Variants in LRRK2 observed in about 807,000 individuals in gnomAD.
The protein encoded by LRRK2 is leucine-rich repeat serine/threonine-protein kinase 2.
A neutral mutation model predicts 302.6 loss-of-function variants in LRRK2; 203 were observed. That is an observed-to-expected ratio of 0.67 (90% CI 0.60 to 0.75). LRRK2 has a LOEUF of 0.75. LRRK2 is among the 30% of genes least tolerant of loss of function. The pLI, the probability that LRRK2 is intolerant of heterozygous loss-of-function variation, is 0.00. For synonymous variants in LRRK2, 1,066 were observed against 1,031.9 expected (o/e 1.03, Z -0.63); for missense variants, 2,830 against 2,951.0 (o/e 0.96, Z 0.95).
intron 30 of LRRK2, among the ~76,000 whole-genome samples, chr12:40,309,770 G>A (rs1944974793): frequency 6.6e-6 from 1 of 152,096 alleles, no homozygotes; most frequent in Non-Finnish European, 1.5e-5. Context: ...TTAGAATGGA[G>A]ACTAAACTGC....
chr12:40,241,133 T>A (rs572891734), intron 6 of LRRK2, among the ~76,000 whole-genome samples: 141 of 152,318 alleles, frequency 9.3e-4, no homozygotes, highest in African/African-American at 3.3e-3. Context: ...AGTAAAGGTG[T>A]GGGGTTATGA....
intron 29 of LRRK2, 149 bp from the exon 30 acceptor site, chr12:40,308,957 C>T (rs1032536383): frequency 3.0e-6 from 3 of 993,886 alleles, no homozygotes; most frequent in Admixed American, 5.3e-5. Flanking sequence ...AGTAAAAACC[C>T]AGAATAGTTC....
At chr12:40,252,815 T>C in intron 10 of LRRK2, 95 bp from the exon 11 acceptor site, 1 of 811,866 alleles carries the variant, frequency 1.2e-6, no homozygotes, top group South Asian at 1.4e-5. Flanking sequence ...TTATATGCTC[T>C]TAATTGTTGT....
intron 48 of LRRK2, among the ~76,000 whole-genome samples, chr12:40,364,368 T>C (rs17466584): frequency 1.4e-4 from 22 of 152,016 alleles, no homozygotes; most frequent in African/African-American, 5.1e-4. Flanking sequence ...CTTTTATTTC[T>C]GGACACTTCA....
chr12:40,244,649 T>C (rs1157306660), intron 7 of LRRK2, among the ~76,000 whole-genome samples: 1 of 149,900 alleles, frequency 6.7e-6, no homozygotes, highest in Non-Finnish European at 1.5e-5. Flanking sequence ...AACCGATTCA[T>C]AGATTCTGGA....
intron 14 of LRRK2, among the ~76,000 whole-genome samples, chr12:40,264,120 G>A (rs1942900359): frequency 6.6e-6 from 1 of 152,090 alleles, no homozygotes; most frequent in Non-Finnish European, 1.5e-5. Context: ...ATAGATGTAG[G>A]CAAGATTCTT....
At chr12:40,239,580 G>T (rs1410698926) in intron 5 of LRRK2, among the ~76,000 whole-genome samples, 7 of 152,104 alleles carry the variant, frequency 4.6e-5, no homozygotes, top group Admixed American at 3.3e-4. Context: ...TGCTGAGAGG[G>T]TTATGACTAT....
rs1266923815 is a variant in LRRK2, at chr12:40,225,025, C to T, written c.-107C>T. The stretch of plus-strand genomic sequence containing the variant: ...GCCCGCGGGGAGCGCTGGCTGCGGG[C>T]GGTGAGCTGAGCTCGCCCCCGGGGA... On this transcript the variant is annotated 5_prime_UTR_variant, in exon 1 of 51. Coordinates refer to ENST00000298910, the MANE Select transcript of LRRK2 (RefSeq NM_198578.4). 2 of 1,425,874 alleles carry T rather than the reference C, an allele frequency of 1.4e-6. No homozygotes were observed. Among genetic ancestry groups the T allele is most frequent in the Non-Finnish European group, 1.9e-6 (2 of 1,032,654 alleles). The allele number at this position is 1,425,874 out of a possible 1,614,324, so 88.3% of individuals were successfully genotyped here.
intron 49 of LRRK2, chr12:40,366,793 A>G: frequency 2.1e-6 from 1 of 477,832 alleles, no homozygotes; most frequent in Non-Finnish European, 3.8e-6. Flanking sequence ...TCACATAATT[A>G]AGAATTGCAG....
intron 7 of LRRK2, among the ~76,000 whole-genome samples, chr12:40,247,590 G>C (rs553028642): frequency 7.6e-6 from 1 of 132,090 alleles, no homozygotes. Flanking sequence ...ATACACAGAT[G>C]TATATAAATA....
rs1396034447 is a variant in LRRK2 at position 40,274,675 on chromosome 12, A to G, written c.1749A>G (p.Glu583=). The G allele has an allele frequency of 6.2e-7, 1 of 1,613,942 alleles. No homozygotes were observed. Among genetic ancestry groups the G allele is most frequent in the African/African-American group, 1.3e-5 (1 of 74,924 alleles). Residue 583 remains glutamate, a synonymous_variant, in exon 15 of 51, where the codon GAA becomes GAG. Transcript: ENST00000298910. ...ATGCATTAGAGATGTTATCCCTGGA[A>G]GGTGCTATGGATTCAGTGCTTCACA... ...FPDALEMLSL[E]GAMDSVLHTL...
chr12:40,278,603 T>A (rs1378522973), intron 18 of LRRK2, among the ~76,000 whole-genome samples: 1 of 152,190 alleles, frequency 6.6e-6, no homozygotes, highest in Non-Finnish European at 1.5e-5. Flanking sequence ...TTTTTAACCA[T>A]TTTTTTCCAT....
chr12:40,313,839 T>C (rs991748258), intron 31 of LRRK2, 133 bp from the exon 32 acceptor site: 15 of 682,496 alleles, frequency 2.2e-5, no homozygotes, highest in African/African-American at 2.2e-4. Flanking sequence ...TATTATATTT[T>C]GATTTTATTT....
intron 13 of LRRK2, among the ~76,000 whole-genome samples, chr12:40,261,070 A>C (rs905759149): frequency 3.3e-5 from 5 of 152,126 alleles, no homozygotes; most frequent in Non-Finnish European, 5.9e-5. Flanking sequence ...GTGGCTATTC[A>C]ATCAGTATTT....
rs1395532205 is a variant in LRRK2, at chr12:40,225,178, TGAA to T, written c.52_54del (p.Lys18del). On this transcript the variant is annotated inframe_deletion, in exon 1 of 51. Transcript: ENST00000298910. Reference sequence around the variant, plus strand: ...GGGTGCGAAGAGGACGAGGAAACTCTGAAGAAGTTGATAGTCAGGCTGAACAAT... The same window carrying T: ...GGGTGCGAAGAGGACGAGGAAACTCTGAAGTTGATAGTCAGGCTGAACAAT... 1 of 1,614,172 alleles carries T rather than the reference TGAA, an allele frequency of 6.2e-7. No homozygotes were observed. The highest frequency in any genetic ancestry group is 2.2e-5 in the East Asian group (1 of 44,892).
At chr12:40,365,550 T>TA (rs397791150) in intron 49 of LRRK2, 4 of 151,114 alleles carry the variant, frequency 2.6e-5, no homozygotes, top group African/African-American at 9.7e-5. Flanking sequence ...CTTCTATTTT[T>TA]ATATTTAAAT....
intron 7 of LRRK2, among the ~76,000 whole-genome samples, chr12:40,245,785 A>G (rs1479006619): frequency 6.6e-6 from 1 of 152,072 alleles, no homozygotes; most frequent in Non-Finnish European, 1.5e-5. Flanking sequence ...AGAAATGCAA[A>G]TGATTTTTTG....
chr12:40,367,794 GA>G lies in LRRK2; in HGVS notation c.*33del, dbSNP rs773520004. The stretch of plus-strand genomic sequence containing the variant: ...AGAAATAGGAATTGTCTTTGGATAG[GA>G]AAATTATTCTCTCCTCTTGTAAATA... On this transcript the variant is annotated 3_prime_UTR_variant, in exon 51 of 51. Transcript: ENST00000298910. The G allele has an allele frequency of 4.5e-5, 71 of 1,592,456 alleles. No individual in the cohort carries two copies. The South Asian group carries it at 7.4e-4, about 17-fold the overall frequency.
In LRRK2 at chr12:40,237,869, CCATT is replaced by C. The variant is rs1941538721; in HGVS notation, c.437-97_437-94del. 3.1e-6 allele frequency: 4 copies of C among 1,289,560 alleles called. No homozygotes were observed. In the African/African-American group the frequency reaches 4.4e-5, roughly 14 times the overall value. 79.9% of individuals were successfully genotyped at this position (1,289,560 alleles called of 1,614,324 possible). A position where few individuals can be genotyped will look rare whatever the true frequency, so the allele number is the denominator to read the frequency against. On this transcript the variant is annotated intron_variant, in intron 4 of 50. Transcript: ENST00000298910. ...AACAAGAAAACCATGGGTCTACAAA[CCATT>C]CACAGTCTTCATGTAAAAATTAATT... is the stretch of plus-strand genomic sequence containing the variant.
Sources: allele counts gnomAD v4.1 joint callset (sites outside exome capture counted in the v4.1 genomes callset), GRCh38; gene constraint gnomAD v4.1.1; transcripts MANE v1.5; gene names NCBI Gene and HGNC (gene_info 2026-07-23, HGNC 2026-07-21).